Variants in TSPO observed in about 807,000 individuals in gnomAD.
TSPO encodes benzodiazepine peripheral binding site.
A neutral mutation model predicts 13.9 loss-of-function variants in TSPO; 14 were observed. The ratio of observed to expected loss-of-function variants is 1.01; its 90% CI spans 0.67 to 1.58. The LOEUF is 1.58. TSPO is among the 40% of genes most tolerant of loss of function. The pLI, the probability that TSPO is intolerant of heterozygous loss-of-function variation, is 0.00. For synonymous variants in TSPO, 114 were observed against 105.9 expected (o/e 1.08, Z -0.47); for missense variants, 232 against 229.6 (o/e 1.01, Z -0.07).
chr22:43,156,143 T>A (rs1215791510), intron 1 of TSPO, among the ~76,000 whole-genome samples: 2 of 152,168 alleles, frequency 1.3e-5, no homozygotes, highest in Non-Finnish European at 1.5e-5. Context: ...GGGGGCAGCC[T>A]GGGGTGGGAG....
chr22:43,163,226 G>A lies in TSPO; in HGVS notation c.*235G>A, dbSNP rs572631159. The A allele has an allele frequency of 1.7e-5, 23 of 1,318,104 alleles. No individual in the cohort carries two copies. Among genetic ancestry groups the A allele is most frequent in the Admixed American group, 6.1e-5 (2 of 32,914 alleles). 81.7% of individuals were successfully genotyped at this position (1,318,104 alleles called of 1,614,324 possible). ...CATGGAATTTTATAAGCTGAATAAA[G>A]TTTTTGACTTCCTTTACCATGGCCT... On this transcript the variant is annotated 3_prime_UTR_variant, in exon 4 of 4. Coordinates refer to ENST00000337554, the MANE Select transcript of TSPO (RefSeq NM_000714.6).
intron 2 of TSPO, chr22:43,159,638 C>T: frequency 4.4e-6 from 2 of 454,644 alleles, no homozygotes; most frequent in South Asian, 5.4e-5. Flanking sequence ...GCTCACCCCA[C>T]CCTGGCATCC....
At position 43,161,061 on chromosome 22, in the gene TSPO, C is replaced by T. The variant is rs753588433; in HGVS notation, c.192C>T (p.Ser64=). Residue 64 remains serine (S), a synonymous_variant, in exon 3 of 4, where the codon TCC becomes TCT. Coordinates refer to ENST00000337554, the MANE Select transcript of TSPO (RefSeq NM_000714.6). ...GCGGCCTCTGTTTCAGGTACGGCTC[C>T]TACCTGGTCTGGAAAGAGCTGGGAG... ...GTLYSAMGYG[S]YLVWKELGGF... is the part of the protein sequence containing the mutation. 1.5e-5 allele frequency: 25 copies of T among 1,613,560 alleles called. No homozygotes were observed. Among genetic ancestry groups the T allele is most frequent in the Middle Eastern group, 3.3e-4 (2 of 6,078 alleles).
At chr22:43,155,765 G>A (rs6003080) in intron 1 of TSPO, among the ~76,000 whole-genome samples, 20,880 of 152,142 alleles carry the variant, frequency 0.14, 4,782 homozygotes, top group African/African-American at 0.47. Context: ...ATCCCGATTC[G>A]CTTTCTGAAG....
intron 1 of TSPO, among the ~76,000 whole-genome samples, chr22:43,155,129 G>A (rs1017622393): frequency 4.6e-5 from 7 of 152,114 alleles, no homozygotes; most frequent in Non-Finnish European, 1.0e-4. Flanking sequence ...GGGGTGGGGT[G>A]GGTTTTGGAG....
At chr22:43,158,465 A>T (rs562205702) in intron 1 of TSPO, among the ~76,000 whole-genome samples, 2 of 151,826 alleles carry the variant, frequency 1.3e-5, no homozygotes, top group African/African-American at 4.8e-5. Flanking sequence ...AGTGAGTGGG[A>T]GCTTAGCCCT....
chr22:43,159,252 G>A lies in TSPO; in HGVS notation c.14G>A (p.Trp5Ter). The change falls in exon 2 of 4, where the codon TGG becomes TAG. Residue 5 changes from tryptophan (W) to a stop codon, truncating the protein, a stop_gained. Transcript: ENST00000337554. LOFTEE classifies it high-confidence loss of function. MAPP[W>*]VPAMGFTLAP... is the part of the protein sequence containing the mutation. ...GCTGCAGCAGCCATGGCCCCGCCCT[G>A]GGTGCCCGCCATGGGCTTCACGCTG... is the stretch of plus-strand genomic sequence containing the variant. 6.4e-7 allele frequency: 1 copy of A among 1,556,766 alleles called. No individual in the cohort carries two copies.
At chr22:43,159,074 C>G (rs901012507) in intron 1 of TSPO, 136 bp from the exon 2 acceptor site, 14 of 663,390 alleles carry the variant, frequency 2.1e-5, no homozygotes, top group Non-Finnish European at 2.8e-5. Flanking sequence ...CACTCCCACC[C>G]CGCACATCTC....
At chr22:43,159,870 C>T (rs1460908645) in intron 2 of TSPO, among the ~76,000 whole-genome samples, 1 of 152,166 alleles carries the variant, frequency 6.6e-6, no homozygotes, top group East Asian at 1.9e-4. Context: ...CCCCCCACAG[C>T]CCCTTCAGGC....
chr22:43,157,791 C>T lies in TSPO; in HGVS notation c.-29-1419C>T, dbSNP rs537162473. On this transcript the variant is annotated intron_variant, in intron 1 of 3. Coordinates refer to ENST00000337554, the MANE Select transcript of TSPO (RefSeq NM_000714.6). ...GGCAGAGGTTACAGTGAGCTGAGAT[C>T]GCGCCATTGTATTCCACCCTGGGCA... 6.6e-5 allele frequency among the ~76,000 whole-genome samples: 10 copies of T among 152,322 alleles called. No individual in the cohort carries two copies. In the East Asian group the frequency reaches 1.5e-3, roughly 23 times the overall value.
chr22:43,157,721 T>G (rs991594898), intron 1 of TSPO, among the ~76,000 whole-genome samples: 2 of 151,952 alleles, frequency 1.3e-5, no homozygotes, highest in South Asian at 4.2e-4. Flanking sequence ...TCCCAGCTAC[T>G]TGGGAGGCAG....
intron 2 of TSPO, 31 bp downstream of exon 2, chr22:43,159,451 G>T (rs778276873): frequency 4.2e-5 from 60 of 1,427,934 alleles, no homozygotes; most frequent in Non-Finnish European, 5.2e-5. Context: ...CTGGGGATAA[G>T]CCTGGCCCTT....
intron 3 of TSPO, among the ~76,000 whole-genome samples, chr22:43,162,402 G>A (rs911641385): frequency 2.6e-5 from 4 of 152,176 alleles, no homozygotes; most frequent in Admixed American, 1.3e-4. Flanking sequence ...GATTACAGGC[G>A]TGAGCCACTG....
At chr22:43,158,005 C>T (rs1931309359) in intron 1 of TSPO, among the ~76,000 whole-genome samples, 1 of 152,164 alleles carries the variant, frequency 6.6e-6, no homozygotes, top group Non-Finnish European at 1.5e-5. Flanking sequence ...TCCCTGGCTG[C>T]TGGGCACTGA....
In TSPO at chr22:43,162,910, G is replaced by A; in HGVS notation, c.429G>A (p.Trp143Ter). 1 of 1,592,092 alleles carries A rather than the reference G, an allele frequency of 6.3e-7. No homozygotes were observed. The highest frequency in any genetic ancestry group is 8.5e-7 in the Non-Finnish European group (1 of 1,169,834). Reference protein sequence around the residue: ...AARLLYPYLAWLAFTTTLNYC... With the variant: ...AARLLYPYLA ...GCCTGCTCTACCCCTACCTGGCCTGGCTGGCCTTCACGACCACACTCAACT... is the reference window on the plus strand; with the variant it reads ...GCCTGCTCTACCCCTACCTGGCCTGACTGGCCTTCACGACCACACTCAACT... The change falls in exon 4 of 4, where the codon TGG becomes TGA. Residue 143 changes from tryptophan to a stop codon, truncating the protein, a stop_gained. Coordinates refer to ENST00000337554, the MANE Select transcript of TSPO (RefSeq NM_000714.6). LOFTEE classifies it low-confidence loss of function (END_TRUNC).
At chr22:43,161,987 G>A (rs1170109113) in intron 3 of TSPO, among the ~76,000 whole-genome samples, 1 of 148,868 alleles carries the variant, frequency 6.7e-6, no homozygotes, top group East Asian at 2.1e-4. Context: ...GTCTTACTCT[G>A]TTGCCCAGGC....
At chr22:43,160,488 G>T (rs1304324505) in intron 2 of TSPO, among the ~76,000 whole-genome samples, 1 of 152,204 alleles carries the variant, frequency 6.6e-6, no homozygotes, top group Admixed American at 6.5e-5. Flanking sequence ...TGAATGCTTG[G>T]GAAGTGGTAG....
rs778946143 is a variant in TSPO, at chr22:43,159,320, G to C, written c.82G>C (p.Gly28Arg). ...GCFVGSRFVH[G>R]EGLRWYAGLQ... The stretch of plus-strand genomic sequence containing the variant: ...CTTCGTGGGCTCCCGCTTTGTCCAC[G>C]GCGAGGGTCTCCGCTGGTACGCCGG... The change falls in exon 2 of 4, where the codon GGC becomes CGC. Residue 28 changes from glycine (G) to arginine (R), a missense_variant. By Grantham distance (125) the Gly-to-Arg change is moderately radical. Coordinates refer to ENST00000337554, the MANE Select transcript of TSPO (RefSeq NM_000714.6). The C allele has an allele frequency of 1.3e-6, 2 of 1,549,658 alleles. No individual in the cohort carries two copies. The highest frequency in any genetic ancestry group is 8.7e-7 in the Non-Finnish European group (1 of 1,147,072).
chr22:43,157,288 C>CGGGGCGGGGCAGGAGGGA (rs60859959), intron 1 of TSPO, among the ~76,000 whole-genome samples: 37 of 46,992 alleles, frequency 7.9e-4, no homozygotes, highest in Middle Eastern at 0.012. Context: ...GGCAGGAGGG[C>CGGGGCGGGGCAGGAGGGA]GGGGCGGGGC....
Sources: gnomAD v4.1 joint callset for allele counts (sites outside exome capture counted in the v4.1 genomes callset) on GRCh38, gnomAD v4.1.1 for gene constraint, MANE v1.5 for transcripts, NCBI Gene and HGNC (gene_info 2026-07-23, HGNC 2026-07-21) for gene names.